TENT5C: variants seen among roughly 807,000 people sequenced by gnomAD.
TENT5C encodes the protein family with sequence similarity 46 member C.
A neutral mutation model predicts 22.2 loss-of-function variants in TENT5C; 5 were observed. The ratio of observed to expected loss-of-function variants is 0.22; its 90% CI spans 0.12 to 0.47. The LOEUF (loss-of-function observed/expected upper bound fraction) is 0.47. Among genes scored for constraint, TENT5C ranks in the 20% least tolerant of loss-of-function variants. The probability of loss-of-function intolerance (pLI) is 0.99; values close to 1 mark genes in which losing one functional copy is unlikely to be tolerated. For missense variants in TENT5C, 364 were observed against 500.9 expected (o/e 0.73, Z 2.61); for synonymous variants, 199 against 195.4 (o/e 1.02, Z -0.15).
rs565948637 is a variant in TENT5C at position 117,617,137 on chromosome 1, G to A, written c.-27-5705G>A. Among the ~76,000 whole-genome samples the A allele has an allele frequency of 3.3e-5, 5 of 152,054 alleles. No homozygotes were observed. In the South Asian group the frequency reaches 8.3e-4, roughly 25 times the overall value. ...ACCTTGGGTTCCTCACACTTTCATCGTGTTTCTGGAGTTCACTGGCTAGTC... is the reference window on the plus strand; with the variant it reads ...ACCTTGGGTTCCTCACACTTTCATCATGTTTCTGGAGTTCACTGGCTAGTC... On this transcript the variant is annotated intron_variant, in intron 1 of 1. Transcript: ENST00000369448.
chr1:117,610,174 T>C (rs182081655), intron 1 of TENT5C, among the ~76,000 whole-genome samples: 1 of 152,214 alleles, frequency 6.6e-6, no homozygotes, highest in Non-Finnish European at 1.5e-5. Flanking sequence ...GACAGGAACT[T>C]GATGAGGGCA....
At chr1:117,610,355 C>T (rs1339023105) in intron 1 of TENT5C, among the ~76,000 whole-genome samples, 1 of 152,084 alleles carries the variant, frequency 6.6e-6, no homozygotes, top group African/African-American at 2.4e-5. Context: ...ATGGCAGAGT[C>T]TCCCTAACTG....
intron 1 of TENT5C, among the ~76,000 whole-genome samples, chr1:117,620,237 A>G (rs1263797629): frequency 6.6e-6 from 1 of 152,214 alleles, no homozygotes; most frequent in Non-Finnish European, 1.5e-5. Flanking sequence ...CTCCTTTAAA[A>G]AAGACTTGAG....
rs1400794331 is a variant in TENT5C, at chr1:117,624,922, T to C, written c.*878T>C. On this transcript the variant is annotated 3_prime_UTR_variant, in exon 2 of 2. Transcript: ENST00000369448. ...TTTTTCTTTTTTCCTCATCAGCTCT[T>C]TCATGGCTGAATTTTGTTTTATTCT... The C allele has an allele frequency of 4.0e-6, 1 of 247,892 alleles. No individual in the cohort carries two copies. Among genetic ancestry groups the C allele is most frequent in the Non-Finnish European group, 8.5e-6 (1 of 118,070 alleles). 15.4% of individuals were successfully genotyped at this position (247,892 alleles called of 1,614,324 possible).
rs536444018 is a variant in TENT5C at position 117,611,718 on chromosome 1, G to A, written c.-28+5565G>A. The stretch of plus-strand genomic sequence containing the variant: ...AAAAATTAGCTGGGTGTGGTGGCAC[G>A]TGCCTGTGGTACCAGCTACTCAGGA... On this transcript the variant is annotated intron_variant, in intron 1 of 1. Coordinates refer to ENST00000369448, the MANE Select transcript of TENT5C (RefSeq NM_017709.4). Among the ~76,000 whole-genome samples, 446 of 152,108 alleles carry A rather than the reference G, an allele frequency of 2.9e-3. 2 individuals carry two copies. The highest frequency in any genetic ancestry group is 8.8e-3 in the African/African-American group (367 of 41,472).
At chr1:117,613,594 G>A (rs1653716107) in intron 1 of TENT5C, among the ~76,000 whole-genome samples, 1 of 152,186 alleles carries the variant, frequency 6.6e-6, no homozygotes, top group Admixed American at 6.5e-5. Flanking sequence ...AGAATTCATG[G>A]AGGCCCCTTA....
In TENT5C at chr1:117,626,580, C is replaced by T. The variant is rs767203475; in HGVS notation, c.*2536C>T. On this transcript the variant is annotated 3_prime_UTR_variant, in exon 2 of 2. Transcript: ENST00000369448. ...AGCCTTTTGCCAGCCTCAGAATAGG[C>T]GAGGTAACCTTGAATTTCAGGGCCC... 9 of 247,946 alleles carry T rather than the reference C, an allele frequency of 3.6e-5. No homozygotes were observed. Among genetic ancestry groups the T allele is most frequent in the East Asian group, 6.0e-5 (1 of 16,590 alleles). 15.4% of individuals were successfully genotyped at this position (247,946 alleles called of 1,614,324 possible).
At chr1:117,618,099 T>C (rs1653824324) in intron 1 of TENT5C, among the ~76,000 whole-genome samples, 1 of 152,244 alleles carries the variant, frequency 6.6e-6, no homozygotes, top group Non-Finnish European at 1.5e-5. Flanking sequence ...GCATTTGTCA[T>C]GTCCCACACT....
intron 1 of TENT5C, 115 bp downstream of exon 1, chr1:117,606,268 C>T (rs1045147473): frequency 2.6e-5 from 4 of 152,056 alleles, no homozygotes; most frequent in African/African-American, 9.7e-5. Flanking sequence ...GGTCTTTGCC[C>T]AGCCTGGTAG....
chr1:117,614,374 G>A (rs924318843), intron 1 of TENT5C, among the ~76,000 whole-genome samples: 7 of 152,294 alleles, frequency 4.6e-5, no homozygotes, highest in Middle Eastern at 3.4e-3. Context: ...CATTCGAAGC[G>A]CCTGGCTCTT....
rs749332682 is a variant in TENT5C, at chr1:117,623,320, G to A, written c.452G>A (p.Arg151His). The change falls in exon 2 of 2, where the codon CGC becomes CAC. Residue 151 changes from arginine to histidine, a missense_variant. Arg to His is a conservative substitution (Grantham distance 29). Around this residue, in one of 3 missense-constraint regions of TENT5C, gnomAD observed 303 missense variants for 394.5 expected, o/e 0.77. Transcript: ENST00000369448. ...GTGAAGGTTTGCACGGACACTGACC[G>A]CTGGAGCCTGATCTCCCTCTCCAAC... is the stretch of plus-strand genomic sequence containing the variant. Reference protein sequence around the residue: ...KLVKVCTDTDRWSLISLSNKN... With the variant: ...KLVKVCTDTDHWSLISLSNKN... The A allele has an allele frequency of 6.8e-6, 11 of 1,614,164 alleles. No individual in the cohort carries two copies. Among genetic ancestry groups the A allele is most frequent in the East Asian group, 6.7e-5 (3 of 44,876 alleles).
intron 1 of TENT5C, among the ~76,000 whole-genome samples, chr1:117,617,044 G>C (rs116207868): frequency 6.6e-6 from 1 of 152,322 alleles, no homozygotes; most frequent in African/African-American, 2.4e-5. Flanking sequence ...AATTGACTGT[G>C]TGCAAATGTT....
In TENT5C at chr1:117,624,163, G is replaced by GGTT; in HGVS notation, c.*119_*120insGTT. 1 of 714,526 alleles carries GGTT rather than the reference G, an allele frequency of 1.4e-6. No individual in the cohort carries two copies. Among genetic ancestry groups the GGTT allele is most frequent in the Non-Finnish European group, 2.2e-6 (1 of 464,656 alleles). The allele number at this position is 714,526 out of a possible 1,614,324, so 44.3% of individuals were successfully genotyped here. ...TAAAGGGGAACTCAGCTCTGATTCTGCTTTTTTTTTTTTTTTTCCTTTGTG... is the reference window on the plus strand; with the variant it reads ...TAAAGGGGAACTCAGCTCTGATTCTGGTTCTTTTTTTTTTTTTTTTCCTTTGTG... On this transcript the variant is annotated 3_prime_UTR_variant, in exon 2 of 2. Coordinates refer to ENST00000369448, the MANE Select transcript of TENT5C (RefSeq NM_017709.4).
chr1:117,618,041 T>G (rs1484238621), intron 1 of TENT5C, among the ~76,000 whole-genome samples: 1 of 152,232 alleles, frequency 6.6e-6, no homozygotes, highest in Non-Finnish European at 1.5e-5. Flanking sequence ...CTCCTCTCTA[T>G]GTAAATCATG....
intron 1 of TENT5C, among the ~76,000 whole-genome samples, chr1:117,609,430 C>G (rs1373931221): frequency 6.6e-6 from 1 of 152,242 alleles, no homozygotes; most frequent in Non-Finnish European, 1.5e-5. Flanking sequence ...AAGCAACTCT[C>G]TCCCTGTAGG....
In TENT5C at chr1:117,627,692, G is replaced by T; in HGVS notation, c.*3648G>T. The T allele has an allele frequency of 4.0e-6, 1 of 247,932 alleles. No individual in the cohort carries two copies. Among genetic ancestry groups the T allele is most frequent in the Non-Finnish European group, 8.5e-6 (1 of 118,058 alleles). 15.4% of individuals were successfully genotyped at this position (247,932 alleles called of 1,614,324 possible). A position where few individuals can be genotyped will look rare whatever the true frequency, so the allele number is the denominator to read the frequency against. On this transcript the variant is annotated 3_prime_UTR_variant, in exon 2 of 2. Coordinates refer to ENST00000369448, the MANE Select transcript of TENT5C (RefSeq NM_017709.4). ...TGCAGAGACTAGAATTTCACAGCTC[G>T]CTTTGGAACATATTCCAATTCAACC...
chr1:117,606,495 C>A (rs914241050), intron 1 of TENT5C, among the ~76,000 whole-genome samples: 2 of 152,206 alleles, frequency 1.3e-5, no homozygotes, highest in Non-Finnish European at 2.9e-5. Flanking sequence ...GCTGGCCAGG[C>A]GCGGGCAGGG....
rs1440184953 is a variant in TENT5C at position 117,624,573 on chromosome 1, C to G, written c.*529C>G. 8.0e-6 allele frequency: 2 copies of G among 249,470 alleles called. No individual in the cohort carries two copies. Among genetic ancestry groups the G allele is most frequent in the African/African-American group, 4.4e-5 (2 of 45,328 alleles). 15.5% of individuals were successfully genotyped at this position (249,470 alleles called of 1,614,324 possible). A position where few individuals can be genotyped will look rare whatever the true frequency, so the allele number is the denominator to read the frequency against. On this transcript the variant is annotated 3_prime_UTR_variant, in exon 2 of 2. Coordinates refer to ENST00000369448, the MANE Select transcript of TENT5C (RefSeq NM_017709.4). Reference sequence around the variant, plus strand: ...TGTGACTTAATTTTTGTTCAAGGGACTAAATTGCTTATGTTTATTCCCTGT... The same window carrying G: ...TGTGACTTAATTTTTGTTCAAGGGAGTAAATTGCTTATGTTTATTCCCTGT...
intron 1 of TENT5C, among the ~76,000 whole-genome samples, chr1:117,607,424 T>C (rs566716097): frequency 2.6e-5 from 4 of 152,362 alleles, no homozygotes; most frequent in Admixed American, 1.3e-4. Flanking sequence ...AATGCACTTA[T>C]AGTAAGAAAG....
Sources: gnomAD v4.1 joint callset for allele counts (sites outside exome capture counted in the v4.1 genomes callset) on GRCh38, gnomAD v4.1.1 for gene constraint, gnomAD v4.1.1 regional missense constraint, MANE v1.5 for transcripts, NCBI Gene and HGNC (gene_info 2026-07-23, HGNC 2026-07-21) for gene names.